SLC4A11: variants seen among roughly 807,000 people sequenced by gnomAD.
SLC4A11 encodes bicarbonate transporter related protein 1.
In SLC4A11, 74 loss-of-function variants were observed where a neutral mutation model predicts 95.0. That is an observed-to-expected ratio of 0.78 (90% CI 0.65 to 0.95). The LOEUF is 0.95. SLC4A11 is among the 40% of genes least tolerant of loss of function. The pLI is 0.00. For synonymous variants in SLC4A11, 548 were observed against 519.0 expected (o/e 1.06, Z -0.76); for missense variants, 1,081 against 1,192.4 (o/e 0.91, Z 1.38).
chr20:3,238,607 TGCGGCC>T (rs1215336684), intron 1 of SLC4A11: 41 of 991,002 alleles, frequency 4.1e-5, no homozygotes, highest in Non-Finnish European at 4.6e-5. Context: ...GAGAAACCGC[TGCGGCC>T]GCGCAGGGCA....
chr20:3,228,153 C>CCCCCAAG, intron 19 of SLC4A11, 106 bp downstream of exon 19: 1 of 1,017,552 alleles, frequency 9.8e-7, no homozygotes, highest in Non-Finnish European at 1.5e-6. Context: ...CCAACCCGCC[C>CCCCCAAG]ATTCTCCGCC....
chr20:3,239,210 T>A (rs2068081693), upstream of SLC4A11: 3 of 1,335,088 alleles, frequency 2.2e-6, no homozygotes, highest in Non-Finnish European at 2.9e-6. Flanking sequence ...ACTCGGCGAC[T>A]CGGGCGGGCC....
At chr20:3,238,859 A>T (rs1238046878) in intron 1 of SLC4A11, 3 of 1,218,218 alleles carry the variant, frequency 2.5e-6, no homozygotes, top group Non-Finnish European at 3.1e-6. Context: ...TAAGAAATTC[A>T]AGACGGCGAC....
chr20:3,229,240 T>C lies in SLC4A11; in HGVS notation c.1873A>G (p.Ser625Gly), dbSNP rs140553932. ...TGCGCCATCGCAAAGGGGCTCTCGC[T>C]GGGGTTGTAGCGGAACTTGCTCACT... ...IEMSKFRYNP[S>G]ESPFAMAQIQ... Residue 625 changes from serine (S) to glycine (G), a missense_variant, in exon 16 of 20, where the codon AGC becomes GGC. Ser to Gly is a moderately conservative substitution (Grantham distance 56). Transcript: ENST00000642402. 6.8e-6 allele frequency: 11 copies of C among 1,612,868 alleles called. No homozygotes were observed. The highest frequency in any genetic ancestry group is 1.3e-5 in the African/African-American group (1 of 74,922).
chr20:3,234,139 A>C lies in SLC4A11; in HGVS notation c.467T>G (p.Leu156Arg). Residue 156 changes from leucine to arginine, a missense_variant, in exon 5 of 20, where the codon CTG (leucine) becomes CGG (arginine). Transcript: ENST00000642402. This position sits in a 1 kb window ranked among gnomAD's most constrained non-coding sequence, Gnocchi z 5.8. ...DPDNNEPNCN[L>R]DLLMAMLFTD... ...GAAGAGCATGGCCATGAGCAGGTCC[A>C]GGTTGCAGTTGGGCTCATTGTTGTC... is the stretch of plus-strand genomic sequence containing the variant. The C allele has an allele frequency of 1.2e-6, 2 of 1,614,106 alleles. No individual in the cohort carries two copies. The highest frequency in any genetic ancestry group is 1.7e-6 in the Non-Finnish European group (2 of 1,180,014).
At position 3,234,708 on chromosome 20, in the gene SLC4A11, T is replaced by C. The variant is rs2067911084; in HGVS notation, c.241+34A>G. ...AGTCACACCTGCCCAGTCCCGTGCC[T>C]TCCCCCAGTCTGCCCCTGCTGCAGC... On this transcript the variant is annotated intron_variant, in intron 3 of 19. Coordinates refer to ENST00000642402, the MANE Select transcript of SLC4A11 (RefSeq NM_001174089.2). The surrounding 1 kb of genome is among the most constrained non-coding windows in gnomAD (Gnocchi z 5.8). 1.2e-6 allele frequency: 2 copies of C among 1,613,792 alleles called. No individual in the cohort carries two copies. Among genetic ancestry groups the C allele is most frequent in the Non-Finnish European group, 1.7e-6 (2 of 1,179,982 alleles).
At chr20:3,236,710 C>T (rs1184044860) in intron 2 of SLC4A11, among the ~76,000 whole-genome samples, 2 of 152,148 alleles carry the variant, frequency 1.3e-5, no homozygotes, top group Non-Finnish European at 2.9e-5. Flanking sequence ...TCCCCTGGCC[C>T]GAACTTGTCC....
At chr20:3,238,331 C>A in intron 1 of SLC4A11, 1 of 985,378 alleles carries the variant, frequency 1.0e-6, no homozygotes, top group Non-Finnish European at 1.2e-6. Context: ...GCCGCGTGCA[C>A]GAGAGGAAAG....
chr20:3,229,065 G>T, intron 16 of SLC4A11, 30 bp downstream of exon 16: 53 of 214,080 alleles, frequency 2.5e-4, no homozygotes, highest in Middle Eastern at 1.8e-3. Flanking sequence ...CCCGGGCCCC[G>T]CCCACCCCAC....
rs753532266 is a variant in SLC4A11 at position 3,229,550 on chromosome 20, G to A, written c.1716C>T (p.Gly572=). ...TCTTCTTGAATTGGTAGAGGGTGTA[G>A]CCCAGCCAGAGCGTGCCCAGCATGA... ...LLIMLGTLWL[G]YTLYQFKKSP... The change falls in exon 14 of 20, where the codon GGC becomes GGT. Residue 572 remains glycine, a synonymous_variant. Transcript: ENST00000642402. The A allele has an allele frequency of 6.2e-7, 1 of 1,612,808 alleles. No homozygotes were observed. The highest frequency in any genetic ancestry group is 2.2e-5 in the East Asian group (1 of 44,868).
chr20:3,231,507 G>A lies in SLC4A11; in HGVS notation c.771C>T (p.Ala257=). ...GGAAGGCGATATCCGAGAACATGGT[G>A]GCAAACGTGCGCGCCACCTCCATCG... is the stretch of plus-strand genomic sequence containing the variant. The part of the protein sequence containing the change: ...KTAMEVARTF[A]TMFSDIAFRQ... The change falls in exon 8 of 20, where the codon GCC becomes GCT. Residue 257 remains alanine (A), a synonymous_variant. Transcript: ENST00000642402. This position sits in a 1 kb window ranked among gnomAD's most constrained non-coding sequence, Gnocchi z 5.2. 1 of 1,614,016 alleles carries A rather than the reference G, an allele frequency of 6.2e-7. No homozygotes were observed. The highest frequency in any genetic ancestry group is 1.7e-5 in the Admixed American group (1 of 60,026).
chr20:3,237,008 T>G (rs1378771695), intron 2 of SLC4A11, among the ~76,000 whole-genome samples: 2 of 152,092 alleles, frequency 1.3e-5, no homozygotes, highest in Non-Finnish European at 2.9e-5. Context: ...GCCCTGTGTC[T>G]ACGCACTGCT....
intron 1 of SLC4A11, chr20:3,238,801 T>C: frequency 8.7e-7 from 1 of 1,150,168 alleles, no homozygotes; most frequent in Admixed American, 4.8e-5. Flanking sequence ...CCCTGCCCAC[T>C]TTCGAGCTCC....
chr20:3,233,458 A>G (rs939960073), intron 7 of SLC4A11, 56 bp downstream of exon 7: 1 of 1,608,938 alleles, frequency 6.2e-7, no homozygotes, highest in Admixed American at 1.7e-5. Context: ...CCCCAAGCAG[A>G]GGGCGGGTAA....
rs1370875661 is a variant in SLC4A11, at chr20:3,234,468, A to T, written c.291+100T>A. 1.3e-6 allele frequency: 2 copies of T among 1,552,674 alleles called. No individual in the cohort carries two copies. The highest frequency in any genetic ancestry group is 2.7e-5 in the African/African-American group (2 of 73,642). The stretch of plus-strand genomic sequence containing the variant: ...GAGCTCCCTGTTGAGCTGCTCCTGG[A>T]GGCATGGGAAGAGGGGAGCAGCGGG... On this transcript the variant is annotated intron_variant, in intron 4 of 19. Coordinates refer to ENST00000642402, the MANE Select transcript of SLC4A11 (RefSeq NM_001174089.2). The surrounding 1 kb of genome is among the most constrained non-coding windows in gnomAD (Gnocchi z 5.8).
chr20:3,233,695 C>T (rs1057065833), intron 6 of SLC4A11, 58 bp from the exon 7 acceptor site: 17 of 1,603,284 alleles, frequency 1.1e-5, no homozygotes, highest in Admixed American at 3.3e-5. Flanking sequence ...TGGGGCTCCC[C>T]GACCCAGAAC....
chr20:3,227,500 G>A lies in SLC4A11; in HGVS notation c.*287C>T, dbSNP rs1019361685. 8.8e-5 allele frequency: 43 copies of A among 485,924 alleles called. No homozygotes were observed. The highest frequency in any genetic ancestry group is 7.8e-4 in the African/African-American group (40 of 51,362). The allele number at this position is 485,924 out of a possible 1,614,324, so 30.1% of individuals were successfully genotyped here. ...AATCAAGGAAATGGTTTCTCTTTCAGGCATCGACTCTTTTATCAAAAGAAA... is the reference window on the plus strand; with the variant it reads ...AATCAAGGAAATGGTTTCTCTTTCAAGCATCGACTCTTTTATCAAAAGAAA... On this transcript the variant is annotated 3_prime_UTR_variant, in exon 20 of 20. Transcript: ENST00000642402.
chr20:3,238,255 G>A, intron 1 of SLC4A11: 2 of 1,333,652 alleles, frequency 1.5e-6, no homozygotes, highest in African/African-American at 3.0e-5. Flanking sequence ...CGCCCTCCCT[G>A]GGCCGGTCCC....
In SLC4A11 at chr20:3,231,615, G is replaced by A; in HGVS notation, c.730-67C>T. 1 of 1,466,984 alleles carries A rather than the reference G, an allele frequency of 6.8e-7. No individual in the cohort carries two copies. The highest frequency in any genetic ancestry group is 9.5e-7 in the Non-Finnish European group (1 of 1,049,484). 90.9% of individuals were successfully genotyped at this position (1,466,984 alleles called of 1,614,324 possible). A position where few individuals can be genotyped will look rare whatever the true frequency, so the allele number is the denominator to read the frequency against. ...GCCCTGCCCGGGCCGAGCAGGTGAA[G>A]GTGCTCTCCCCATGAACTGGCAGCA... On this transcript the variant is annotated intron_variant, in intron 7 of 19. Transcript: ENST00000642402. The surrounding 1 kb of genome is among the most constrained non-coding windows in gnomAD (Gnocchi z 5.2).
Sources: gnomAD v4.1 joint callset for allele counts (sites outside exome capture counted in the v4.1 genomes callset) on GRCh38, gnomAD v4.1.1 for gene constraint, Gnocchi (gnomAD v3.1) non-coding constraint, MANE v1.5 for transcripts, NCBI Gene and HGNC (gene_info 2026-07-23, HGNC 2026-07-21) for gene names.